Variants in MAP3K5 observed in about 807,000 individuals in gnomAD.
The protein encoded by MAP3K5 is ASK-1.
A neutral mutation model predicts 158.7 loss-of-function variants in MAP3K5; 56 were observed. The ratio of observed to expected loss-of-function variants is 0.35; its 90% CI spans 0.28 to 0.44. The LOEUF is 0.44. Among genes scored for constraint, MAP3K5 ranks in the 20% least tolerant of loss-of-function variants. MAP3K5 has a pLI of 1.00. For synonymous variants in MAP3K5, 579 were observed against 601.7 expected, an observed-to-expected ratio of 0.96 and a Z score of 0.55; for missense variants, 1,294 against 1,674.8, an observed-to-expected ratio of 0.77 and a Z score of 3.97.
chr6:136,697,371 A>T lies in MAP3K5; in HGVS notation c.823T>A (p.Ser275Thr). Residue 275 changes from serine (S) to threonine (T), a missense_variant, in exon 5 of 30, where the codon TCT (serine) becomes ACT (threonine). Ser to Thr is a moderately conservative substitution (Grantham distance 58, BLOSUM62 1). This residue lies in a region of MAP3K5 where 690 missense variants were observed against 870.5 expected (regional missense o/e 0.79). Coordinates refer to ENST00000359015, the MANE Select transcript of MAP3K5 (RefSeq NM_005923.4). The part of the protein sequence containing the change: ...QASSSQYFRE[S>T]ILNDIRKARN... Reference sequence around the variant, plus strand: ...GCTTTCCTGATGTCATTGAGTATAGATTCCCGGAAGTACTGGCTGGTAAAA... The same window carrying T: ...GCTTTCCTGATGTCATTGAGTATAGTTTCCCGGAAGTACTGGCTGGTAAAA... The T allele has an allele frequency of 1.2e-6, 2 of 1,609,256 alleles. No individual in the cohort carries two copies. The highest frequency in any genetic ancestry group is 1.7e-6 in the Non-Finnish European group (2 of 1,177,304).
At chr6:136,622,711 G>A (rs1032678834) in intron 15 of MAP3K5, 137 bp downstream of exon 15, 17 of 925,674 alleles carry the variant, frequency 1.8e-5, no homozygotes, top group South Asian at 6.5e-5. Context: ...ATGCAGCAGC[G>A]AAACCTCAGA....
intron 25 of MAP3K5, 27 bp from the exon 26 acceptor site, chr6:136,567,901 G>A (rs767654876): frequency 6.2e-7 from 1 of 1,605,918 alleles, no homozygotes; most frequent in Admixed American, 1.7e-5. Flanking sequence ...CAGTGGTAGT[G>A]TTTATAAAAT....
chr6:136,744,959 T>G (rs912980238), intron 1 of MAP3K5, among the ~76,000 whole-genome samples: 13 of 152,182 alleles, frequency 8.5e-5, no homozygotes, highest in African/African-American at 3.1e-4. Context: ...ACTGCTTATT[T>G]TAGCATTTTG....
At chr6:136,628,738 T>C (rs565718658) in intron 14 of MAP3K5, among the ~76,000 whole-genome samples, 79 of 152,244 alleles carry the variant, frequency 5.2e-4, no homozygotes, top group Non-Finnish European at 1.1e-3. Context: ...GATAGTAAAA[T>C]GAAAAGGAAT....
chr6:136,695,878 C>G, intron 6 of MAP3K5, 73 bp downstream of exon 6: 1 of 843,568 alleles, frequency 1.2e-6, no homozygotes, highest in Non-Finnish European at 1.9e-6. Flanking sequence ...GCAGTGAACA[C>G]ATTCTCTGTA....
At chr6:136,569,584 G>A (rs1774274322) in intron 25 of MAP3K5, among the ~76,000 whole-genome samples, 2 of 152,148 alleles carry the variant, frequency 1.3e-5, no homozygotes, top group Admixed American at 1.3e-4. Context: ...CCTGCCAGAT[G>A]TCCTGCCTTG....
Position 136,720,556 on chromosome 6 carries a change from C to G in MAP3K5, c.482G>C (p.Arg161Pro). Residue 161 changes from arginine (R) to proline (P), a missense_variant, in exon 2 of 30, where the codon CGG (arginine) becomes CCG (proline). By Grantham distance (103) the Arg-to-Pro change is moderately radical (BLOSUM62 -2). This residue lies in a region of MAP3K5 where 690 missense variants were observed against 870.5 expected (regional missense o/e 0.79). Transcript: ENST00000359015. ...IAVVEMSDAF[R>P]QPSLFYHLGV... ...AAGGTGGTAAAACAAGGACGGCTGCCGGAAGGCATCGCTCATCTCCACCAC... is the reference window on the plus strand; with the variant it reads ...AAGGTGGTAAAACAAGGACGGCTGCGGGAAGGCATCGCTCATCTCCACCAC... 6.2e-7 allele frequency: 1 copy of G among 1,612,330 alleles called. No homozygotes were observed. The highest frequency in any genetic ancestry group is 8.5e-7 in the Non-Finnish European group (1 of 1,179,214).
chr6:136,620,878 A>G (rs901591360), intron 15 of MAP3K5, among the ~76,000 whole-genome samples: 1 of 152,216 alleles, frequency 6.6e-6, no homozygotes, highest in Non-Finnish European at 1.5e-5. Context: ...AAGGCAGAGC[A>G]CAAGAGCAGT....
At chr6:136,578,448 C>G (rs905284763) in intron 25 of MAP3K5, among the ~76,000 whole-genome samples, 1 of 152,194 alleles carries the variant, frequency 6.6e-6, no homozygotes, top group Admixed American at 6.5e-5. Context: ...CAAACAGTTA[C>G]CCTCTGGTGA....
At chr6:136,635,106 C>T (rs1291395361) in intron 14 of MAP3K5, among the ~76,000 whole-genome samples, 1 of 135,262 alleles carries the variant, frequency 7.4e-6, no homozygotes. Flanking sequence ...GGGCATGAAA[C>T]AAAGGATAGC....
At chr6:136,605,608 G>T (rs1776067135) in intron 18 of MAP3K5, among the ~76,000 whole-genome samples, 1 of 152,124 alleles carries the variant, frequency 6.6e-6, no homozygotes, top group Non-Finnish European at 1.5e-5. Flanking sequence ...TTATGAATAG[G>T]TACGCTCTTA....
At chr6:136,712,853 T>C (rs1309271943) in intron 2 of MAP3K5, among the ~76,000 whole-genome samples, 1 of 152,222 alleles carries the variant, frequency 6.6e-6, no homozygotes, top group Middle Eastern at 3.2e-3. Context: ...CCCTTCCACC[T>C]GGCTCATTCT....
rs5880306 is a variant in MAP3K5, at chr6:136,727,965, GAA to G, written c.449-7378_449-7377del. Among the ~76,000 whole-genome samples, 91 of 133,734 alleles carry G rather than the reference GAA, an allele frequency of 6.8e-4. 1 individual carries two copies. Among genetic ancestry groups the G allele is most frequent in the African/African-American group, 1.1e-3 (40 of 37,200 alleles). The allele number at this position is 133,734 out of a possible 152,430, so 87.7% of individuals were successfully genotyped here. On this transcript the variant is annotated intron_variant, in intron 1 of 29. Coordinates refer to ENST00000359015, the MANE Select transcript of MAP3K5 (RefSeq NM_005923.4). ...CGACAGAGCGAGACTCCGCCTCAAA[GAA>G]AAAAAAAAAAAAGAAATTTAAGAAA...
intron 1 of MAP3K5, among the ~76,000 whole-genome samples, chr6:136,740,370 C>A (rs769162628): frequency 6.6e-6 from 1 of 152,062 alleles, no homozygotes; most frequent in African/African-American, 2.4e-5. Flanking sequence ...TGATCTTTGT[C>A]TTCTTGAATT....
chr6:136,625,948 G>A (rs1777014064), intron 14 of MAP3K5, among the ~76,000 whole-genome samples: 1 of 152,106 alleles, frequency 6.6e-6, no homozygotes, highest in African/African-American at 2.4e-5. Flanking sequence ...ACTTGAAAGA[G>A]AATTGAATAC....
At chr6:136,775,706 A>C (rs1250931327) in intron 1 of MAP3K5, among the ~76,000 whole-genome samples, 1 of 152,246 alleles carries the variant, frequency 6.6e-6, no homozygotes, top group African/African-American at 2.4e-5. Flanking sequence ...TTAGAGGAAC[A>C]TACAAGCCTA....
chr6:136,699,042 C>T (rs117036881), intron 3 of MAP3K5, among the ~76,000 whole-genome samples: 34 of 152,248 alleles, frequency 2.2e-4, no homozygotes, highest in Admixed American at 5.2e-4. Context: ...GCGCAGCATA[C>T]ACATATGAAA....
At chr6:136,682,234 C>T (rs1201440023) in intron 7 of MAP3K5, among the ~76,000 whole-genome samples, 1 of 152,102 alleles carries the variant, frequency 6.6e-6, no homozygotes, top group African/African-American at 2.4e-5. Context: ...TTTGGGGACT[C>T]ATATAATAGA....
At chr6:136,706,711 G>C (rs901575586) in intron 2 of MAP3K5, among the ~76,000 whole-genome samples, 4 of 152,136 alleles carry the variant, frequency 2.6e-5, no homozygotes, top group Non-Finnish European at 5.9e-5. Context: ...AATCCACATG[G>C]GGCAAAGAAG....
Sources: gnomAD v4.1 joint callset for allele counts (sites outside exome capture counted in the v4.1 genomes callset) on GRCh38, gnomAD v4.1.1 for gene constraint, gnomAD v4.1.1 regional missense constraint, MANE v1.5 for transcripts, NCBI Gene and HGNC (gene_info 2026-07-23, HGNC 2026-07-21) for gene names.